SYN3: variants seen among roughly 807,000 people sequenced by gnomAD.
SYN3 encodes synapsin-3.
Under a neutral mutation model 65.8 loss-of-function variants are expected in SYN3, and 35 were observed. That is an observed-to-expected ratio of 0.53 (90% confidence interval 0.41 to 0.70). The LOEUF (loss-of-function observed/expected upper bound fraction) is 0.70, where lower values mean the gene tolerates loss of function less well. SYN3 is among the 30% of genes least tolerant of loss of function. SYN3 has a pLI of 0.00. For missense variants in SYN3, 680 were observed against 749.0 expected (o/e 0.91, Z 1.08); for synonymous variants, 270 against 292.9 (o/e 0.92, Z 0.80).
intron 6 of SYN3, among the ~76,000 whole-genome samples, chr22:32,819,025 C>T (rs377323354): frequency 2.0e-5 from 3 of 152,218 alleles, no homozygotes; most frequent in Admixed American, 6.5e-5. Context: ...CTGGCCTCTG[C>T]GCTTAAGTAT....
At chr22:32,663,304 TCTC>T (rs1417510599) in intron 6 of SYN3, among the ~76,000 whole-genome samples, 1 of 130,760 alleles carries the variant, frequency 7.6e-6, no homozygotes, top group Non-Finnish European at 1.5e-5. Context: ...TTTCTTTTCT[TCTC>T]TTTTTTTTTT....
At chr22:32,827,353 G>A (rs1211530691) in intron 6 of SYN3, among the ~76,000 whole-genome samples, 1 of 152,196 alleles carries the variant, frequency 6.6e-6, no homozygotes, top group Non-Finnish European at 1.5e-5. Context: ...AGCTCAGGCT[G>A]GGCAGAATCT....
intron 4 of SYN3, among the ~76,000 whole-genome samples, chr22:32,894,934 T>C (rs1222454580): frequency 6.6e-6 from 1 of 152,174 alleles, no homozygotes; most frequent in Non-Finnish European, 1.5e-5. Context: ...GAAATGTAAA[T>C]GATCCATAGT....
At chr22:32,525,898 G>A (rs1418699605) in intron 12 of SYN3, among the ~76,000 whole-genome samples, 1 of 152,032 alleles carries the variant, frequency 6.6e-6, no homozygotes, top group Non-Finnish European at 1.5e-5. Flanking sequence ...TGTGTGAAAG[G>A]GTGAGTCAAT....
intron 6 of SYN3, among the ~76,000 whole-genome samples, chr22:32,735,483 G>T (rs141636059): frequency 3.2e-4 from 49 of 152,310 alleles, no homozygotes; most frequent in African/African-American, 1.2e-3. Flanking sequence ...ACCTAGTGCA[G>T]GCTGGAACAT....
At chr22:32,969,230 G>A (rs559036736) in intron 3 of SYN3, among the ~76,000 whole-genome samples, 1 of 152,124 alleles carries the variant, frequency 6.6e-6, no homozygotes, top group Non-Finnish European at 1.5e-5. Context: ...GCTGAATGGT[G>A]CCACCAAACC....
At chr22:32,976,801 G>T (rs1312249030) in intron 3 of SYN3, among the ~76,000 whole-genome samples, 1 of 152,158 alleles carries the variant, frequency 6.6e-6, no homozygotes, top group Non-Finnish European at 1.5e-5. Flanking sequence ...GGAGAGAAGG[G>T]GCGGAGGCTT....
At chr22:32,631,465 C>G (rs984263502) in intron 6 of SYN3, among the ~76,000 whole-genome samples, 10 of 152,110 alleles carry the variant, frequency 6.6e-5, no homozygotes, top group Non-Finnish European at 1.3e-4. Flanking sequence ...GTCTGCAAAT[C>G]CTAAAGTTCC....
chr22:33,036,392 T>C (rs902237458), intron 1 of SYN3, among the ~76,000 whole-genome samples: 1 of 152,104 alleles, frequency 6.6e-6, no homozygotes, highest in Non-Finnish European at 1.5e-5. Context: ...GAAGCAGATA[T>C]AAGAAAAGCT....
At chr22:33,033,060 C>T (rs763349041) in intron 1 of SYN3, among the ~76,000 whole-genome samples, 9 of 151,840 alleles carry the variant, frequency 5.9e-5, no homozygotes, top group Non-Finnish European at 1.3e-4. Flanking sequence ...TTGCTGAGGC[C>T]GGAGAGCAAT....
At chr22:32,831,497 T>C (rs566145558) in intron 6 of SYN3, among the ~76,000 whole-genome samples, 26 of 152,202 alleles carry the variant, frequency 1.7e-4, no homozygotes, top group African/African-American at 4.8e-4. Context: ...CCACTTGATA[T>C]GTGGGGGTCG....
At chr22:33,024,403 G>C (rs1449232587) in intron 1 of SYN3, among the ~76,000 whole-genome samples, 1 of 152,156 alleles carries the variant, frequency 6.6e-6, no homozygotes, top group African/African-American at 2.4e-5. Flanking sequence ...AAAAGTAGTA[G>C]CCTGGAATCT....
chr22:32,840,379 C>A (rs546699983), intron 6 of SYN3, among the ~76,000 whole-genome samples: 1 of 152,102 alleles, frequency 6.6e-6, no homozygotes, highest in African/African-American at 2.4e-5. Context: ...ACGAAAAGGG[C>A]CTTTGAAACG....
intron 6 of SYN3, among the ~76,000 whole-genome samples, chr22:32,700,973 G>A (rs535955526): frequency 8.5e-5 from 13 of 152,164 alleles, no homozygotes; most frequent in African/African-American, 2.7e-4. Flanking sequence ...CTTCTCCCTC[G>A]TTAACTCCTC....
At chr22:32,924,486 A>ACAGCAGCAT (rs1256555964) in intron 4 of SYN3, among the ~76,000 whole-genome samples, 1 of 152,216 alleles carries the variant, frequency 6.6e-6, no homozygotes, top group African/African-American at 2.4e-5. Flanking sequence ...TGATCTTCCA[A>ACAGCAGCAT]CAGCAGCATC....
chr22:32,727,100 A>C (rs2061205867), intron 6 of SYN3, among the ~76,000 whole-genome samples: 1 of 151,986 alleles, frequency 6.6e-6, no homozygotes, highest in African/African-American at 2.4e-5. Flanking sequence ...TATTAAGCCC[A>C]GCATCCATTA....
At chr22:32,978,408 G>A (rs1217378788) in intron 3 of SYN3, among the ~76,000 whole-genome samples, 3 of 152,076 alleles carry the variant, frequency 2.0e-5, no homozygotes, top group African/African-American at 7.2e-5. Flanking sequence ...GAGGAGTAGG[G>A]TGGGCGCAGG....
In SYN3 at chr22:32,858,225, C is replaced by T. The variant is rs2048430773; in HGVS notation, c.711+6690G>A. The T allele has an allele frequency of 1.9e-5, 30 of 1,574,072 alleles. No individual in the cohort carries two copies. In the South Asian group the frequency reaches 3.4e-4, roughly 18 times the overall value. On this transcript the variant is annotated intron_variant, in intron 6 of 13. Transcript: ENST00000358763. Reference sequence around the variant, plus strand: ...AGCTCCCAATGCACTGGGTGCCAGGCCCTCGGCTGGGAAGGGTATGCATGT... The same window carrying T: ...AGCTCCCAATGCACTGGGTGCCAGGTCCTCGGCTGGGAAGGGTATGCATGT...
chr22:33,028,896 C>T lies in SYN3; in HGVS notation c.-162-22072G>A, dbSNP rs879319833. On this transcript the variant is annotated intron_variant, in intron 1 of 13. Coordinates refer to ENST00000358763, the MANE Select transcript of SYN3 (RefSeq NM_003490.4). The stretch of plus-strand genomic sequence containing the variant: ...TCTACTAAAAATACAAAAAACTAGC[C>T]GGGCGTGGTGGCGGGCGCCTGTAGT... 8.0e-4 allele frequency among the ~76,000 whole-genome samples: 122 copies of T among 152,086 alleles called. 1 individual carries two copies. Among genetic ancestry groups the T allele is most frequent in the Non-Finnish European group, 1.4e-3 (98 of 67,986 alleles).
Sources: allele counts gnomAD v4.1 joint callset (sites outside exome capture counted in the v4.1 genomes callset), GRCh38; gene constraint gnomAD v4.1.1; transcripts MANE v1.5; gene names NCBI Gene and HGNC (gene_info 2026-07-23, HGNC 2026-07-21).